The following ZNF536 variants were observed in gnomAD, a reference collection of about 807,000 sequenced individuals.
ZNF536 encodes zinc finger protein 536.
In ZNF536, 13 loss-of-function variants were observed where a neutral mutation model predicts 84.5. The observed-to-expected ratio is 0.15, with a 90% confidence interval of 0.10 to 0.24. The LOEUF (loss-of-function observed/expected upper bound fraction) is 0.24. Among genes scored for constraint, ZNF536 ranks in the 10% least tolerant of loss-of-function variants. ZNF536 has a pLI of 1.00. For missense variants in ZNF536, 1,536 were observed against 1,747.5 expected, an observed-to-expected ratio of 0.88 and a Z score of 2.16; for synonymous variants, 811 against 742.5, an observed-to-expected ratio of 1.09 and a Z score of -1.50.
intron 2 of ZNF536, among the ~76,000 whole-genome samples, chr19:30,327,893 G>T (rs2047090020): frequency 6.6e-6 from 1 of 152,196 alleles, no homozygotes; most frequent in South Asian, 2.1e-4. Flanking sequence ...TTGGAGAACG[G>T]GGTTATATTA....
chr19:30,265,831 T>C (rs1290630083), intron 1 of ZNF536, among the ~76,000 whole-genome samples: 1 of 152,188 alleles, frequency 6.6e-6, no homozygotes, highest in Non-Finnish European at 1.5e-5. Context: ...ATTTTCTTCC[T>C]AAGAGACTGC....
intron 1 of ZNF536, among the ~76,000 whole-genome samples, chr19:30,701,191 T>TCA (rs56314262): frequency 0.15 from 21,989 of 149,850 alleles, 1,651 homozygotes; most frequent in Non-Finnish European, 0.17. Flanking sequence ...TATCTCACTC[T>TCA]CACACACACA....
At chr19:30,478,687 T>C (rs1433512773) in intron 2 of ZNF536, among the ~76,000 whole-genome samples, 3 of 152,314 alleles carry the variant, frequency 2.0e-5, no homozygotes, top group South Asian at 2.1e-4. Context: ...CTCTCTCTTT[T>C]TAATATTGCC....
chr19:30,587,310 C>A (rs1195838381), intron 1 of ZNF536, among the ~76,000 whole-genome samples: 3 of 152,120 alleles, frequency 2.0e-5, no homozygotes, highest in Non-Finnish European at 4.4e-5. Context: ...CAAAGCAGTC[C>A]AATGTTAGAT....
At chr19:30,265,950 G>T (rs2025490268) in intron 1 of ZNF536, among the ~76,000 whole-genome samples, 1 of 152,040 alleles carries the variant, frequency 6.6e-6, no homozygotes, top group South Asian at 2.1e-4. Flanking sequence ...GAGTGCAATG[G>T]TGTGATCACG....
chr19:30,352,024 A>G (rs1306363998), intron 2 of ZNF536, among the ~76,000 whole-genome samples: 1 of 152,346 alleles, frequency 6.6e-6, no homozygotes, highest in East Asian at 1.9e-4. Context: ...AAATAGCATT[A>G]AAAGCTGCTT....
At chr19:30,551,570 C>T (rs538332794) in intron 4 of ZNF536, among the ~76,000 whole-genome samples, 1 of 152,212 alleles carries the variant, frequency 6.6e-6, no homozygotes, top group Non-Finnish European at 1.5e-5. Flanking sequence ...TTGTGCCCCC[C>T]ACCCCTCGCC....
intron 2 of ZNF536, among the ~76,000 whole-genome samples, chr19:30,446,248 C>CAAAAAAAAAAAAAAAAAAA (rs1177505634): frequency 4.1e-4 from 12 of 29,168 alleles, no homozygotes; most frequent in Admixed American, 5.9e-4. Context: ...GACACTGTCT[C>CAAAAAAAAAAAAAAAAAAA]AAAAAAAAAA....
chr19:30,295,380 G>A (rs539998541), intron 2 of ZNF536, among the ~76,000 whole-genome samples: 10 of 152,322 alleles, frequency 6.6e-5, no homozygotes, highest in Non-Finnish European at 1.3e-4. Context: ...AGGTATGAAC[G>A]GCTGGGGTAG....
rs763225279 is a variant in ZNF536, at chr19:30,445,052, C to T, written c.1490C>T (p.Pro497Leu). The T allele has an allele frequency of 1.2e-6, 2 of 1,613,550 alleles. No individual in the cohort carries two copies. Among genetic ancestry groups the T allele is most frequent in the Non-Finnish European group, 1.7e-6 (2 of 1,179,986 alleles). The change falls in exon 2 of 5, where the codon CCG (proline) becomes CTG (leucine). Residue 497 changes from proline to leucine, a missense_variant. By Grantham distance (98) the Pro-to-Leu change is moderately conservative. Coordinates refer to ENST00000355537, the MANE Select transcript of ZNF536 (RefSeq NM_014717.3). The surrounding 1 kb of genome is among the most constrained non-coding windows in gnomAD (Gnocchi z 4.5). ...SLLGCLNLVPPLKSSCIERLQ... is the reference protein window; with the variant it reads ...SLLGCLNLVPLLKSSCIERLQ... The stretch of plus-strand genomic sequence containing the variant: ...CTGGGATGCCTCAATCTCGTGCCGC[C>T]GCTGAAATCCAGCTGCATCGAGCGG...
chr19:30,368,347 C>CA (rs2048504668), upstream of ZNF536, among the ~76,000 whole-genome samples: 1 of 152,208 alleles, frequency 6.6e-6, no homozygotes, highest in Non-Finnish European at 1.5e-5. Flanking sequence ...ACTACGGCTG[C>CA]AAAACTCTAG....
At chr19:30,701,424 AAC>A (rs541043604) in intron 1 of ZNF536, among the ~76,000 whole-genome samples, 87 of 139,184 alleles carry the variant, frequency 6.3e-4, no homozygotes, top group African/African-American at 2.0e-3. Flanking sequence ...AAAACACACA[AAC>A]ACACACACAG....
intron 3 of ZNF536, among the ~76,000 whole-genome samples, chr19:30,544,494 G>A (rs555334668): frequency 6.6e-6 from 1 of 152,274 alleles, no homozygotes; most frequent in Non-Finnish European, 1.5e-5. Context: ...GACAGTGGGT[G>A]GAGTGAAGGG....
At chr19:30,244,275 C>T (rs961526377) in intron 1 of ZNF536, among the ~76,000 whole-genome samples, 2 of 151,996 alleles carry the variant, frequency 1.3e-5, no homozygotes, top group African/African-American at 2.4e-5. Context: ...CCGAGTTCTT[C>T]ATAGAGTCTT....
Position 30,494,951 on chromosome 19 carries a change from A to AG in ZNF536, c.2171-39895dup, listed in dbSNP as rs1491498966. On this transcript the variant is annotated intron_variant, in intron 2 of 4. Transcript: ENST00000355537. ...ACAGAGTGAGACTCCGTCTCAAAAA[A>AG]GAAAAAAAAAAAAAAAAAAGCCCCC... 2.1e-5 allele frequency among the ~76,000 whole-genome samples: 3 copies of AG among 142,352 alleles called. No individual in the cohort carries two copies. In the Admixed American group the frequency reaches 2.2e-4, roughly 10 times the overall value. The allele number at this position is 142,352 out of a possible 152,430, so 93.4% of individuals were successfully genotyped here.
chr19:30,344,143 C>T (rs2047654055), intron 2 of ZNF536, among the ~76,000 whole-genome samples: 1 of 151,506 alleles, frequency 6.6e-6, no homozygotes, highest in African/African-American at 2.4e-5. Flanking sequence ...GGGCCTGCCC[C>T]CAGTTGGCAG....
intron 2 of ZNF536, among the ~76,000 whole-genome samples, chr19:30,488,018 AC>A (rs1191020918): frequency 6.6e-6 from 1 of 152,162 alleles, no homozygotes; most frequent in Non-Finnish European, 1.5e-5. Context: ...CAGAAATATT[AC>A]CCAGCTCATT....
At chr19:30,589,832 G>T (rs558799630) in intron 1 of ZNF536, among the ~76,000 whole-genome samples, 1 of 152,170 alleles carries the variant, frequency 6.6e-6, no homozygotes, top group African/African-American at 2.4e-5. Flanking sequence ...CCTGTGTGCA[G>T]CCTGAGTGTA....
At chr19:30,541,210 G>A (rs917287862) in intron 3 of ZNF536, among the ~76,000 whole-genome samples, 7 of 152,192 alleles carry the variant, frequency 4.6e-5, no homozygotes, top group Middle Eastern at 3.4e-3. Context: ...TGGTGTCTAC[G>A]TCTCTTACAT....
Sources: gnomAD v4.1 joint callset for allele counts (sites outside exome capture counted in the v4.1 genomes callset) on GRCh38, gnomAD v4.1.1 for gene constraint, Gnocchi (gnomAD v3.1) non-coding constraint, MANE v1.5 for transcripts, NCBI Gene and HGNC (gene_info 2026-07-23, HGNC 2026-07-21) for gene names.